Variants in ERC1 observed in about 807,000 individuals in gnomAD.
ERC1 encodes the protein RAB6 interacting protein 2.
Under a neutral mutation model 132.0 loss-of-function variants are expected in ERC1, and 56 were observed. The observed-to-expected ratio is 0.42, with a 90% CI of 0.34 to 0.53. The LOEUF (loss-of-function observed/expected upper bound fraction) is 0.53. Among genes scored for constraint, ERC1 ranks in the 20% least tolerant of loss-of-function variants. The probability of loss-of-function intolerance (pLI) is 0.03; values close to 1 mark genes in which losing one functional copy is unlikely to be tolerated. For synonymous variants in ERC1, 478 were observed against 476.1 expected (o/e 1.00, Z -0.05); for missense variants, 1,202 against 1,349.9 (o/e 0.89, Z 1.72).
chr12:1,411,628 A>T (rs1244414221), intron 17 of ERC1, among the ~76,000 whole-genome samples: 1 of 152,206 alleles, frequency 6.6e-6, no homozygotes, highest in Admixed American at 6.5e-5. Context: ...TGTGCTAATT[A>T]TCTGCACTGG....
chr12:1,172,908 G>A (rs1353268578), intron 8 of ERC1, among the ~76,000 whole-genome samples: 2 of 152,148 alleles, frequency 1.3e-5, no homozygotes, highest in African/African-American at 2.4e-5. Context: ...TTTGAATAAC[G>A]TCGTGGTCCT....
At chr12:1,340,799 C>A (rs12305540) in intron 15 of ERC1, among the ~76,000 whole-genome samples, 2,446 of 152,068 alleles carry the variant, frequency 0.016, 69 homozygotes, top group African/African-American at 0.055. Flanking sequence ...AGAGTCTCTC[C>A]ATATTGCCGA....
intron 2 of ERC1, among the ~76,000 whole-genome samples, chr12:1,029,775 T>A (rs1163209393): frequency 7.6e-6 from 1 of 132,192 alleles, no homozygotes; most frequent in Non-Finnish European, 1.6e-5. Flanking sequence ...TGAGACGGAG[T>A]CTTGCTCTGT....
At chr12:1,347,842 G>A (rs1256545923) in intron 15 of ERC1, among the ~76,000 whole-genome samples, 2 of 152,116 alleles carry the variant, frequency 1.3e-5, no homozygotes, top group African/African-American at 2.4e-5. Flanking sequence ...AATTAGCCAG[G>A]GGTGGTGGCG....
chr12:1,376,202 TC>T (rs1329555309), intron 16 of ERC1, among the ~76,000 whole-genome samples: 1 of 152,226 alleles, frequency 6.6e-6, no homozygotes. Flanking sequence ...CTTTCTTTTT[TC>T]CACCTGTTCT....
intron 18 of ERC1, among the ~76,000 whole-genome samples, chr12:1,486,379 T>C (rs1371125570): frequency 6.6e-6 from 1 of 152,112 alleles, no homozygotes; most frequent in East Asian, 1.9e-4. Context: ...TTTTCTTTAT[T>C]TTCGAAAGTT....
chr12:1,327,849 T>G lies in ERC1; in HGVS notation c.2780+37837T>G, dbSNP rs566195777. Among the ~76,000 whole-genome samples, 923 of 152,220 alleles carry G rather than the reference T, an allele frequency of 6.1e-3. 11 individuals are homozygous for G. The highest frequency in any genetic ancestry group is 0.021 in the African/African-American group (872 of 41,502). On this transcript the variant is annotated intron_variant, in intron 15 of 18. Transcript: ENST00000360905. ...CCTAAAATCATCTCATCATTTTTTT[T>G]TTTTACAAATATGCTCCTCAGTATC...
At chr12:1,201,400 G>A (rs984773415) in intron 12 of ERC1, among the ~76,000 whole-genome samples, 1 of 152,176 alleles carries the variant, frequency 6.6e-6, no homozygotes, top group Non-Finnish European at 1.5e-5. Context: ...GTAGGAGAAA[G>A]TAGTATTTCT....
intron 13 of ERC1, among the ~76,000 whole-genome samples, chr12:1,250,636 G>C (rs1204366738): frequency 6.6e-6 from 1 of 151,910 alleles, no homozygotes; most frequent in African/African-American, 2.4e-5. Flanking sequence ...AAATTCTGTA[G>C]GCTATCCTTT....
rs539983949 is a variant in ERC1 at position 1,468,085 on chromosome 12, A to G, written c.3214-22008A>G. On this transcript the variant is annotated intron_variant, in intron 18 of 18. Transcript: ENST00000360905. ...GAGTTGGAGACTCCCGATCTACAGTATGTGAGAAATCACATCAACCTTTTA... is the reference window on the plus strand; with the variant it reads ...GAGTTGGAGACTCCCGATCTACAGTGTGTGAGAAATCACATCAACCTTTTA... Among the ~76,000 whole-genome samples the G allele has an allele frequency of 3.3e-5, 5 of 152,348 alleles. No individual in the cohort carries two copies. The South Asian group carries it at 6.2e-4, about 19-fold the overall frequency.
chr12:1,065,203 G>A lies in ERC1; in HGVS notation c.670-17961G>A, dbSNP rs537213641. 2.6e-4 allele frequency among the ~76,000 whole-genome samples: 39 copies of A among 152,154 alleles called. No individual in the cohort carries two copies. The East Asian group carries it at 7.4e-3, about 29-fold the overall frequency. ...TTTAGTAGAGGGAGGGTTTCACCAT[G>A]ATGGCCAGGCTGGTCTCAAACTCCT... On this transcript the variant is annotated intron_variant, in intron 2 of 18. Coordinates refer to ENST00000360905, the MANE Select transcript of ERC1 (RefSeq NM_178040.4).
intron 18 of ERC1, chr12:1,480,706 G>A (rs1397928360): frequency 6.5e-6 from 4 of 616,810 alleles, no homozygotes; most frequent in Non-Finnish European, 8.9e-6. Context: ...CTGCCTTGAG[G>A]AGGTGAGGAA....
chr12:1,283,882 CTT>C (rs2154337632), intron 14 of ERC1, among the ~76,000 whole-genome samples: 1 of 152,290 alleles, frequency 6.6e-6, no homozygotes, highest in South Asian at 2.1e-4. Flanking sequence ...GTATCCATCA[CTT>C]CTAACATCTA....
chr12:1,346,295 C>T (rs558377893), intron 15 of ERC1, among the ~76,000 whole-genome samples: 4 of 152,250 alleles, frequency 2.6e-5, no homozygotes, highest in African/African-American at 9.6e-5. Context: ...AGTAATTTTT[C>T]TTGCCTTTAT....
chr12:1,155,284 C>T (rs1344835684), intron 8 of ERC1, among the ~76,000 whole-genome samples: 1 of 143,416 alleles, frequency 7.0e-6, no homozygotes, highest in Non-Finnish European at 1.5e-5. Flanking sequence ...CTGGATCGTG[C>T]CACTGCACTC....
intron 4 of ERC1, among the ~76,000 whole-genome samples, chr12:1,107,805 A>G (rs549508609): frequency 8.5e-5 from 13 of 152,182 alleles, no homozygotes; most frequent in African/African-American, 3.1e-4. Context: ...GAGAATGTCA[A>G]CCCTTTCCCC....
intron 16 of ERC1, among the ~76,000 whole-genome samples, chr12:1,401,204 G>T (rs978764828): frequency 6.6e-6 from 1 of 151,934 alleles, no homozygotes; most frequent in Non-Finnish European, 1.5e-5. Context: ...AAAGTGCTGG[G>T]ATTACAGGCG....
chr12:1,469,788 T>C (rs912087751), intron 18 of ERC1, among the ~76,000 whole-genome samples: 2 of 152,164 alleles, frequency 1.3e-5, no homozygotes, highest in African/African-American at 2.4e-5. Context: ...CCCCAAGAGC[T>C]TTCAAATCAC....
chr12:1,171,356 CTTTTTT>C (rs57007848), intron 8 of ERC1, among the ~76,000 whole-genome samples: 3 of 87,300 alleles, frequency 3.4e-5, no homozygotes, highest in South Asian at 4.3e-4. Flanking sequence ...GCAAAACATT[CTTTTTT>C]TTTTTTTTTT....
Sources: allele counts gnomAD v4.1 joint callset (sites outside exome capture counted in the v4.1 genomes callset), GRCh38; gene constraint gnomAD v4.1.1; transcripts MANE v1.5; gene names NCBI Gene and HGNC (gene_info 2026-07-23, HGNC 2026-07-21).